The following PRIM2 variants were observed in gnomAD, a reference collection of about 807,000 sequenced individuals.
PRIM2 encodes DNA primase subunit 2.
In PRIM2, 39 loss-of-function variants were observed where a neutral mutation model predicts 67.3. That is an observed-to-expected ratio of 0.58 (90% CI 0.45 to 0.76). PRIM2 has a LOEUF of 0.76. Ranked by LOEUF, PRIM2 falls within the 30% of genes least tolerant of loss-of-function variation. The probability of loss-of-function intolerance (pLI) is 0.00; values close to 1 mark genes in which losing one functional copy is unlikely to be tolerated. For missense variants in PRIM2, 398 were observed against 598.7 expected, an observed-to-expected ratio of 0.66 and a Z score of 3.50; for synonymous variants, 143 against 198.7, an observed-to-expected ratio of 0.72 and a Z score of 2.36.
At chr6:57,325,594 C>T (rs1361760447) in intron 4 of PRIM2, among the ~76,000 whole-genome samples, 2 of 152,116 alleles carry the variant, frequency 1.3e-5, no homozygotes, top group African/African-American at 4.8e-5. Flanking sequence ...ACGCCCAGCC[C>T]CTATTTTCTA....
chr6:57,537,198 A>T (rs1250753050), intron 9 of PRIM2, among the ~76,000 whole-genome samples: 1 of 152,236 alleles, frequency 6.6e-6, no homozygotes, highest in Non-Finnish European at 1.5e-5. Flanking sequence ...AATAAATTTT[A>T]ATAGTATGTT....
chr6:57,319,049 G>GA (rs1767566387), intron 2 of PRIM2, among the ~76,000 whole-genome samples: 1 of 152,214 alleles, frequency 6.6e-6, no homozygotes. Flanking sequence ...ACATACTGAA[G>GA]AATGAGTAGA....
At chr6:57,500,266 A>T (rs1226963265) in intron 7 of PRIM2, among the ~76,000 whole-genome samples, 18 of 152,092 alleles carry the variant, frequency 1.2e-4, no homozygotes, top group Middle Eastern at 3.4e-3. Flanking sequence ...CTTTGCCTCT[A>T]GTTTAGTTTG....
intron 7 of PRIM2, among the ~76,000 whole-genome samples, chr6:57,411,913 G>A (rs1293670419): frequency 1.3e-5 from 2 of 151,790 alleles, no homozygotes; most frequent in African/African-American, 2.4e-5. Flanking sequence ...GTAATATATA[G>A]AGTTGTTTAA....
the PRIM2 span, among the ~76,000 whole-genome samples, chr6:57,298,318 G>A: frequency 9.2e-5 from 14 of 152,190 alleles, no homozygotes; most frequent in East Asian, 9.6e-4. Context: ...CCAAGATTGC[G>A]CCATTGCACT....
At chr6:57,483,459 T>C (rs1443611052) in intron 7 of PRIM2, among the ~76,000 whole-genome samples, 1 of 152,160 alleles carries the variant, frequency 6.6e-6, no homozygotes, top group Non-Finnish European at 1.5e-5. Context: ...AATAATATTA[T>C]GGTGAACATG....
chr6:57,553,221 T>A (rs1249561584), intron 10 of PRIM2, among the ~76,000 whole-genome samples: 1 of 152,142 alleles, frequency 6.6e-6, no homozygotes, highest in East Asian at 1.9e-4. Context: ...GTTAAACCAA[T>A]TTGAAGATAA....
chr6:57,552,864 G>T, intron 10 of PRIM2, among the ~76,000 whole-genome samples: 1 of 151,106 alleles, frequency 6.6e-6, no homozygotes, highest in Non-Finnish European at 1.5e-5. Context: ...ACTTTTTTTT[G>T]TACGAAGAAA....
chr6:57,267,181 G>C, the PRIM2 span, among the ~76,000 whole-genome samples: 1 of 152,216 alleles, frequency 6.6e-6, no homozygotes, highest in Non-Finnish European at 1.5e-5. Context: ...CTAATAGGTT[G>C]ATACATGTTT....
rs35362883 is a variant in PRIM2 at position 57,465,557 on chromosome 6, G to A, written c.694-41830G>A. Among the ~76,000 whole-genome samples the A allele has an allele frequency of 4.6e-3, 698 of 152,246 alleles. 2 individuals carry two copies. The highest frequency in any genetic ancestry group is 6.2e-3 in the Non-Finnish European group (425 of 68,010). On this transcript the variant is annotated intron_variant, in intron 7 of 13. Transcript: ENST00000615550. ...AAGGCAGTATAAAGCATGGACTCTC[G>A]TGCTAGACTGACTGGGTTCATATCC...
In PRIM2 at chr6:57,551,258, G is replaced by A. The variant is rs1383560850; in HGVS notation, c.1020+13633G>A. Among the ~76,000 whole-genome samples the A allele has an allele frequency of 5.9e-5, 9 of 152,270 alleles. No homozygotes were observed. The South Asian group carries it at 1.0e-3, about 18-fold the overall frequency. On this transcript the variant is annotated intron_variant, in intron 10 of 13. Transcript: ENST00000615550. ...AATAGTGCGATTGTTGTTGTTGTAT[G>A]CAGCTCAATCAGAAAAGCAGGAATC... is the stretch of plus-strand genomic sequence containing the variant.
intron 7 of PRIM2, among the ~76,000 whole-genome samples, chr6:57,403,800 TC>T (rs1466292006): frequency 1.3e-5 from 2 of 152,108 alleles, no homozygotes; most frequent in Non-Finnish European, 2.9e-5. Flanking sequence ...CTTGCCCTCT[TC>T]CTTGGCAAGT....
At chr6:57,604,937 G>A (rs1242667832) in intron 11 of PRIM2, among the ~76,000 whole-genome samples, 2 of 152,150 alleles carry the variant, frequency 1.3e-5, no homozygotes, top group Non-Finnish European at 2.9e-5. Context: ...TGATCCGCCC[G>A]CCTCGGCTTT....
At chr6:57,278,803 A>C in the PRIM2 span, among the ~76,000 whole-genome samples, 1 of 152,148 alleles carries the variant, frequency 6.6e-6, no homozygotes, top group Non-Finnish European at 1.5e-5. Flanking sequence ...GGGGAGGTAA[A>C]AGAGAGTATA....
chr6:57,382,713 G>C (rs1770004980), intron 7 of PRIM2: 1 of 152,132 alleles, frequency 6.6e-6, no homozygotes, highest in East Asian at 1.9e-4. Context: ...CTTAAGTGGT[G>C]ATATCTTAAA....
At chr6:57,470,824 A>G (rs1318265134) in intron 7 of PRIM2, among the ~76,000 whole-genome samples, 1 of 152,032 alleles carries the variant, frequency 6.6e-6, no homozygotes, top group Non-Finnish European at 1.5e-5. Context: ...TTTGCATGAA[A>G]ACCATGCTTT....
chr6:57,330,364 TTTGTTTTTTTGTTTTTTTG>T (rs1228871110), intron 5 of PRIM2, among the ~76,000 whole-genome samples: 3 of 97,006 alleles, frequency 3.1e-5, no homozygotes, highest in African/African-American at 8.4e-5. Flanking sequence ...TTTTTTTGTT[TTTGTTTTTTTGTTTTTTTG>T]TTTTTTTTTT....
chr6:57,435,617 T>C (rs1271422094), intron 7 of PRIM2, among the ~76,000 whole-genome samples: 3 of 152,230 alleles, frequency 2.0e-5, no homozygotes, highest in Non-Finnish European at 4.4e-5. Flanking sequence ...TGAGCCTCAG[T>C]TCTCTTTCTG....
intron 4 of PRIM2, among the ~76,000 whole-genome samples, chr6:57,325,305 CT>C (rs11398927): frequency 3.0e-4 from 42 of 141,856 alleles, no homozygotes; most frequent in Admixed American, 3.6e-4. Context: ...CTCTCTCTCT[CT>C]TTTTTTTTTT....
Sources: allele counts gnomAD v4.1 joint callset (sites outside exome capture counted in the v4.1 genomes callset), GRCh38; gene constraint gnomAD v4.1.1; transcripts MANE v1.5; gene names NCBI Gene and HGNC (gene_info 2026-07-23, HGNC 2026-07-21).